GALNT10: variants seen among roughly 807,000 people sequenced by gnomAD.
GALNT10 encodes the protein GalNAc transferase 10.
In GALNT10, 41 loss-of-function variants were observed where a neutral mutation model predicts 75.0. The observed-to-expected ratio is 0.55, with a 90% CI of 0.43 to 0.71. The LOEUF (loss-of-function observed/expected upper bound fraction) is 0.71. Among genes scored for constraint, GALNT10 ranks in the 30% least tolerant of loss-of-function variants. The pLI is 0.00. For missense variants in GALNT10, 727 were observed against 818.5 expected (o/e 0.89, Z 1.36); for synonymous variants, 302 against 313.0 (o/e 0.96, Z 0.37).
chr5:154,208,334 C>A (rs1386843590), intron 1 of GALNT10, among the ~76,000 whole-genome samples: 1 of 152,168 alleles, frequency 6.6e-6, no homozygotes, highest in Non-Finnish European at 1.5e-5. Context: ...TTCACGTTAG[C>A]CTTCACGCTG....
chr5:154,368,816 T>C (rs1239165600), intron 4 of GALNT10, among the ~76,000 whole-genome samples: 2 of 152,226 alleles, frequency 1.3e-5, no homozygotes, highest in African/African-American at 4.8e-5. Context: ...TTTACCTGTC[T>C]ATAAGTTTTT....
intron 4 of GALNT10, among the ~76,000 whole-genome samples, chr5:154,362,058 A>G (rs1755396423): frequency 6.6e-6 from 1 of 152,204 alleles, no homozygotes; most frequent in Admixed American, 6.5e-5. Flanking sequence ...TTGCCACAGC[A>G]TGTCCAGGCC....
chr5:154,252,898 C>T (rs1753545598), intron 1 of GALNT10, among the ~76,000 whole-genome samples: 1 of 151,120 alleles, frequency 6.6e-6, no homozygotes, highest in Admixed American at 6.6e-5. Context: ...TGAGTCTTTA[C>T]CTCTTTTTTT....
At position 154,329,767 on chromosome 5, in the gene GALNT10, C is replaced by T. The variant is rs771804550; in HGVS notation, c.568+29C>T. 3.2e-6 allele frequency: 5 copies of T among 1,562,740 alleles called. No homozygotes were observed. In the African/African-American group the frequency reaches 6.8e-5, roughly 21 times the overall value. On this transcript the variant is annotated intron_variant, in intron 4 of 11. Transcript: ENST00000297107. ...GGATCCGTCCCACCCAGCCTCCCAC[C>T]CTCTGTGCTTCATCTGGCGACTCAC...
At chr5:154,411,648 T>C (rs1482372490) in intron 9 of GALNT10, among the ~76,000 whole-genome samples, 1 of 152,200 alleles carries the variant, frequency 6.6e-6, no homozygotes, top group African/African-American at 2.4e-5. Flanking sequence ...GCTGCCTGGC[T>C]AGCCTACCCC....
At position 154,380,463 on chromosome 5, in the gene GALNT10, A is replaced by T; in HGVS notation, c.770A>T (p.Asn257Ile). 6.2e-7 allele frequency: 1 copy of T among 1,613,928 alleles called. No homozygotes were observed. The highest frequency in any genetic ancestry group is 8.5e-7 in the Non-Finnish European group (1 of 1,179,872). Residue 257 changes from asparagine (N) to isoleucine (I), a missense_variant, in exon 6 of 12, where the codon AAC becomes ATC. By Grantham distance (149) the Asn-to-Ile change is moderately radical (BLOSUM62 -3). Transcript: ENST00000297107. Reference protein sequence around the residue: ...LPPLLDRIARNRKTIVCPMID... With the variant: ...LPPLLDRIARIRKTIVCPMID... ...GCTTCTTCAGACCGCATTGCTCGGA[A>T]CCGCAAGACCATTGTGTGCCCGATG...
intron 4 of GALNT10, among the ~76,000 whole-genome samples, chr5:154,347,658 C>G (rs1200360492): frequency 6.6e-6 from 1 of 152,204 alleles, no homozygotes; most frequent in Non-Finnish European, 1.5e-5. Flanking sequence ...CACCACCACA[C>G]CCAGTCTACT....
rs7723419 is a variant in GALNT10 at position 154,407,901 on chromosome 5, G to T, written c.1165-1640G>T. 7.0e-3 allele frequency among the ~76,000 whole-genome samples: 1,073 copies of T among 152,268 alleles called. 12 individuals are homozygous for T. Among genetic ancestry groups the T allele is most frequent in the African/African-American group, 0.025 (1,034 of 41,534 alleles). On this transcript the variant is annotated intron_variant, in intron 8 of 11. Transcript: ENST00000297107. ...CCAACTCAGAGCCAGCAAAATGGGG[G>T]AACTGGTGAATTTTGTCTTCAGTGC...
intron 1 of GALNT10, among the ~76,000 whole-genome samples, chr5:154,223,351 C>T (rs559377935): frequency 2.6e-4 from 40 of 152,334 alleles, no homozygotes; most frequent in African/African-American, 8.9e-4. Context: ...TTCCCCAGTT[C>T]GTACAGCTAG....
intron 1 of GALNT10, among the ~76,000 whole-genome samples, chr5:154,282,207 C>T (rs1287063078): frequency 6.6e-6 from 1 of 152,168 alleles, no homozygotes; most frequent in Non-Finnish European, 1.5e-5. Flanking sequence ...CAGTAATTAA[C>T]CCACTCTCTC....
At chr5:154,195,440 G>A (rs1774922477) in intron 1 of GALNT10, among the ~76,000 whole-genome samples, 1 of 152,170 alleles carries the variant, frequency 6.6e-6, no homozygotes, top group Non-Finnish European at 1.5e-5. Flanking sequence ...CTGAATTCCC[G>A]CAGCAAGAAG....
In GALNT10 at chr5:154,420,130, A is replaced by G. The variant is rs1582025434; in HGVS notation, c.*3158A>G. On this transcript the variant is annotated 3_prime_UTR_variant, in exon 12 of 12. Transcript: ENST00000297107. ...TCAGCTGTTAAAACAGTCAGAAACT[A>G]TTGATTCTTCCCTTTAGGAAAAAAT... The G allele has an allele frequency of 6.6e-6, 1 of 152,338 alleles. No homozygotes were observed. Among genetic ancestry groups the G allele is most frequent in the East Asian group, 1.9e-4 (1 of 5,194 alleles). 9.4% of individuals were successfully genotyped at this position (152,338 alleles called of 1,614,324 possible).
At chr5:154,214,782 A>G (rs1248136760) in intron 1 of GALNT10, among the ~76,000 whole-genome samples, 1 of 152,130 alleles carries the variant, frequency 6.6e-6, no homozygotes, top group Non-Finnish European at 1.5e-5. Flanking sequence ...CAGAAGACAA[A>G]AAGGGGAGAA....
chr5:154,343,970 G>A (rs1363060961), intron 4 of GALNT10, among the ~76,000 whole-genome samples: 2 of 152,122 alleles, frequency 1.3e-5, no homozygotes, highest in Admixed American at 6.6e-5. Context: ...AGGCCAGGTC[G>A]CTGATCCTGA....
intron 1 of GALNT10, among the ~76,000 whole-genome samples, chr5:154,233,356 A>C (rs1370541749): frequency 6.6e-6 from 1 of 152,200 alleles, no homozygotes; most frequent in Non-Finnish European, 1.5e-5. Flanking sequence ...ATTACAAGGA[A>C]ATAAATGAAT....
chr5:154,303,397 A>G (rs1754387651), intron 3 of GALNT10, among the ~76,000 whole-genome samples: 1 of 152,172 alleles, frequency 6.6e-6, no homozygotes, highest in African/African-American at 2.4e-5. Context: ...GAGCTGTGCA[A>G]AGAGAGACCT....
chr5:154,347,245 G>A (rs1191207965), intron 4 of GALNT10: 6 of 473,072 alleles, frequency 1.3e-5, no homozygotes, highest in South Asian at 5.0e-5. Flanking sequence ...TTAGGAAGGT[G>A]TAAACTGGAC....
chr5:154,262,660 CAGGTAAGAGCCACT>C (rs1209610930), intron 1 of GALNT10, among the ~76,000 whole-genome samples: 1 of 152,130 alleles, frequency 6.6e-6, no homozygotes. Context: ...AAGCATTTAC[CAGGTAAGAGCCACT>C]AGGTCATTGT....
At position 154,412,141 on chromosome 5, in the gene GALNT10, G is replaced by T. The variant is rs924858129; in HGVS notation, c.1387-748G>T. Among the ~76,000 whole-genome samples the T allele has an allele frequency of 1.1e-4, 16 of 152,192 alleles. No individual in the cohort carries two copies. The highest frequency in any genetic ancestry group is 3.9e-4 in the African/African-American group (16 of 41,442). ...ACTCTCTGCAACAGGAAATTGGGTG[G>T]TGCATTTTCATAGCCACCACAGCCC... On this transcript the variant is annotated intron_variant, in intron 9 of 11. Coordinates refer to ENST00000297107, the MANE Select transcript of GALNT10 (RefSeq NM_198321.4). This position sits in a 1 kb window ranked among gnomAD's most constrained non-coding sequence, Gnocchi z 4.2.
Sources: gnomAD v4.1 joint callset for allele counts (sites outside exome capture counted in the v4.1 genomes callset) on GRCh38, gnomAD v4.1.1 for gene constraint, Gnocchi (gnomAD v3.1) non-coding constraint, MANE v1.5 for transcripts, NCBI Gene and HGNC (gene_info 2026-07-23, HGNC 2026-07-21) for gene names.